Variants in KLF12 observed in about 807,000 individuals in gnomAD.
KLF12 encodes KLF transcription factor 12.
Under a neutral mutation model 37.8 loss-of-function variants are expected in KLF12, and 9 were observed. That is an observed-to-expected ratio of 0.24 (90% CI 0.14 to 0.42). KLF12 has a LOEUF of 0.42. Ranked by LOEUF, KLF12 falls within the 10% of genes least tolerant of loss-of-function variation. KLF12 has a pLI of 1.00. For missense variants in KLF12, 411 were observed against 516.0 expected (o/e 0.80, Z 1.97); for synonymous variants, 208 against 202.1 (o/e 1.03, Z -0.25).
In KLF12 at chr13:73,918,789, G is replaced by C. The variant is rs370205928; in HGVS notation, c.123+25192C>G. Among the ~76,000 whole-genome samples the C allele has an allele frequency of 7.2e-5, 11 of 152,198 alleles. No individual in the cohort carries two copies. In the East Asian group the frequency reaches 1.2e-3, roughly 16 times the overall value. On this transcript the variant is annotated intron_variant, in intron 3 of 7. Transcript: ENST00000377669. ...TGCCAGAACCCCAGAAGTGTTAAGA[G>C]AACCCTAACTGCTATTGTGAGGTTT...
chr13:73,923,873 G>A (rs1372229561), intron 3 of KLF12, among the ~76,000 whole-genome samples: 1 of 152,222 alleles, frequency 6.6e-6, no homozygotes, highest in Admixed American at 6.5e-5. Flanking sequence ...CTTCCGAGTT[G>A]TGAGGCAGAC....
intron 3 of KLF12, among the ~76,000 whole-genome samples, chr13:73,908,410 AAAAC>A (rs1334483800): frequency 1.3e-5 from 2 of 150,142 alleles, no homozygotes; most frequent in African/African-American, 4.9e-5. Context: ...TCAAAAAAAA[AAAAC>A]AAACAAACAA....
intron 4 of KLF12, among the ~76,000 whole-genome samples, chr13:73,842,455 A>G (rs1884788399): frequency 6.6e-6 from 1 of 152,166 alleles, no homozygotes; most frequent in South Asian, 2.1e-4. Flanking sequence ...TTTGCCCAAC[A>G]CTGTATCTTT....
At chr13:74,268,160 G>A in the KLF12 span, among the ~76,000 whole-genome samples, 1 of 53,466 alleles carries the variant, frequency 1.9e-5, no homozygotes, top group South Asian at 1.1e-3. Context: ...AATATACTAA[G>A]GAGAGATTCT....
rs1873999192 is a variant in KLF12, at chr13:73,694,469, C to G, written c.*1021G>C. ...CTCAGTGAAGTTATTGTAGGAAAGT[C>G]CTTTTATTCATTATTGCTTTTCTCC... On this transcript the variant is annotated 3_prime_UTR_variant, in exon 8 of 8. Coordinates refer to ENST00000377669, the MANE Select transcript of KLF12 (RefSeq NM_007249.5). The G allele has an allele frequency of 6.6e-6, 1 of 152,588 alleles. No homozygotes were observed. Among genetic ancestry groups the G allele is most frequent in the South Asian group, 2.1e-4 (1 of 4,836 alleles). 9.5% of individuals were successfully genotyped at this position (152,588 alleles called of 1,614,324 possible). A position where few individuals can be genotyped will look rare whatever the true frequency, so the allele number is the denominator to read the frequency against.
At chr13:73,946,320 T>A (rs1890420119) in intron 2 of KLF12, among the ~76,000 whole-genome samples, 1 of 152,318 alleles carries the variant, frequency 6.6e-6, no homozygotes, top group African/African-American at 2.4e-5. Context: ...TCCCTTTTAG[T>A]GCTTTGTACC....
At chr13:74,047,803 T>C (rs988792519) in intron 1 of KLF12, among the ~76,000 whole-genome samples, 13 of 152,226 alleles carry the variant, frequency 8.5e-5, no homozygotes, top group Non-Finnish European at 1.9e-4. Context: ...ACGTGTCCCA[T>C]TCCATAAACG....
At chr13:74,298,434 G>T in the KLF12 span, among the ~76,000 whole-genome samples, 1 of 152,118 alleles carries the variant, frequency 6.6e-6, no homozygotes, top group Non-Finnish European at 1.5e-5. Flanking sequence ...GTTGTTCTGC[G>T]TTTCAAATGC....
At chr13:73,813,083 T>C (rs1883027270) in intron 5 of KLF12, 69 bp downstream of exon 5, 3 of 1,526,970 alleles carry the variant, frequency 2.0e-6, no homozygotes, top group Middle Eastern at 3.8e-4. Context: ...GGACAGGAGA[T>C]GCTGCAGTTT....
At chr13:73,721,188 G>A (rs190639522) in intron 6 of KLF12, among the ~76,000 whole-genome samples, 74 of 152,334 alleles carry the variant, frequency 4.9e-4, no homozygotes, top group Admixed American at 1.1e-3. Context: ...GCACAGAGAG[G>A]TTAAGGCCAA....
At chr13:73,950,344 A>G (rs1204238542) in intron 2 of KLF12, among the ~76,000 whole-genome samples, 3 of 152,220 alleles carry the variant, frequency 2.0e-5, no homozygotes, top group African/African-American at 2.4e-5. Flanking sequence ...AAAGGCCTCA[A>G]TACATTTTTA....
intron 1 of KLF12, among the ~76,000 whole-genome samples, chr13:74,077,928 A>G (rs1328946367): frequency 1.3e-5 from 2 of 152,216 alleles, no homozygotes; most frequent in Non-Finnish European, 2.9e-5. Context: ...TTAAACTTCT[A>G]AATTAAGTCC....
chr13:73,920,018 C>G (rs116546622), intron 3 of KLF12, among the ~76,000 whole-genome samples: 294 of 152,298 alleles, frequency 1.9e-3, no homozygotes, highest in African/African-American at 6.8e-3. Context: ...GGGACATCCA[C>G]TCCCTCTCCG....
intron 1 of KLF12, among the ~76,000 whole-genome samples, chr13:74,061,484 A>C (rs887125655): frequency 1.3e-5 from 2 of 152,222 alleles, no homozygotes; most frequent in African/African-American, 4.8e-5. Context: ...TATTGCACAC[A>C]GTGACTTTCA....
chr13:73,858,728 A>G (rs75623818), intron 3 of KLF12, among the ~76,000 whole-genome samples: 2 of 152,264 alleles, frequency 1.3e-5, no homozygotes, highest in African/African-American at 2.4e-5. Context: ...TGAGATTTCC[A>G]TCACTTTTTA....
At chr13:73,956,166 G>C (rs989407561) in intron 2 of KLF12, among the ~76,000 whole-genome samples, 1 of 152,060 alleles carries the variant, frequency 6.6e-6, no homozygotes, top group African/African-American at 2.4e-5. Context: ...ATTTACTCAG[G>C]CCTTGTTACT....
chr13:74,192,869 A>G, the KLF12 span, among the ~76,000 whole-genome samples: 1 of 152,132 alleles, frequency 6.6e-6, no homozygotes, highest in Non-Finnish European at 1.5e-5. Context: ...TTTCCCCACT[A>G]TCACACTATT....
chr13:74,244,251 A>G, the KLF12 span, among the ~76,000 whole-genome samples: 1 of 152,218 alleles, frequency 6.6e-6, no homozygotes, highest in Non-Finnish European at 1.5e-5. Context: ...TACTAGAGGT[A>G]TCATGATGTA....
At chr13:73,940,959 A>G (rs934390554) in intron 3 of KLF12, among the ~76,000 whole-genome samples, 2 of 152,216 alleles carry the variant, frequency 1.3e-5, no homozygotes, top group Non-Finnish European at 2.9e-5. Context: ...TCTTTCTAAC[A>G]CGCAGCAGAG....
Sources: allele counts gnomAD v4.1 joint callset (sites outside exome capture counted in the v4.1 genomes callset), GRCh38; gene constraint gnomAD v4.1.1; transcripts MANE v1.5; gene names NCBI Gene and HGNC (gene_info 2026-07-23, HGNC 2026-07-21).